DPYD: variants seen among roughly 807,000 people sequenced by gnomAD.
DPYD encodes dihydropyrimidine dehydrogenase.
Under a neutral mutation model 116.2 loss-of-function variants are expected in DPYD, and 109 were observed. That is an observed-to-expected ratio of 0.94 (90% confidence interval 0.80 to 1.10). The LOEUF is 1.10. Ranked by LOEUF, DPYD falls within the 50% of genes least tolerant of loss-of-function variation. The pLI, the probability that DPYD is intolerant of heterozygous loss-of-function variation, is 0.00. For missense variants in DPYD, 1,302 were observed against 1,254.5 expected (o/e 1.04, Z -0.57); for synonymous variants, 440 against 432.0 (o/e 1.02, Z -0.23).
chr1:97,259,405 G>T (rs571633504), intron 18 of DPYD, among the ~76,000 whole-genome samples: 16 of 151,978 alleles, frequency 1.1e-4, no homozygotes, highest in Non-Finnish European at 2.2e-4. Context: ...TCAGAGTCTT[G>T]CTCTTTCACC....
chr1:97,240,552 G>A (rs1045068120), intron 18 of DPYD, among the ~76,000 whole-genome samples: 2 of 151,912 alleles, frequency 1.3e-5, no homozygotes, highest in African/African-American at 4.8e-5. Context: ...CAATAAAACA[G>A]AAATTGGGTT....
chr1:97,228,971 G>A (rs1570716460), intron 19 of DPYD, among the ~76,000 whole-genome samples: 2 of 151,946 alleles, frequency 1.3e-5, no homozygotes, highest in Admixed American at 6.6e-5. Context: ...GCCGAGGTGG[G>A]CGGATCACGA....
intron 5 of DPYD, among the ~76,000 whole-genome samples, chr1:97,701,633 C>T (rs1000105484): frequency 3.4e-4 from 52 of 151,740 alleles, no homozygotes; most frequent in African/African-American, 1.3e-3. Context: ...AACCTCATCC[C>T]ACATATACCA....
At chr1:97,671,571 T>C (rs1019700447) in intron 8 of DPYD, among the ~76,000 whole-genome samples, 1 of 152,192 alleles carries the variant, frequency 6.6e-6, no homozygotes, top group African/African-American at 2.4e-5. Context: ...AGTAATCAAG[T>C]ATAATCTCAA....
chr1:97,609,239 C>G (rs1332949215), intron 8 of DPYD, among the ~76,000 whole-genome samples: 1 of 151,924 alleles, frequency 6.6e-6, no homozygotes, highest in Middle Eastern at 3.4e-3. Context: ...TGTGATTCAT[C>G]CTCTAAGACC....
intron 19 of DPYD, among the ~76,000 whole-genome samples, chr1:97,205,413 A>G (rs965002545): frequency 2.0e-5 from 3 of 151,790 alleles, no homozygotes; most frequent in Non-Finnish European, 4.4e-5. Flanking sequence ...TTGAAATCAC[A>G]TATATGTAGC....
At chr1:97,579,607 G>T (rs1386858465) in intron 10 of DPYD, among the ~76,000 whole-genome samples, 1 of 152,206 alleles carries the variant, frequency 6.6e-6, no homozygotes, top group Non-Finnish European at 1.5e-5. Flanking sequence ...ACATGTCAGT[G>T]TTAGTGCCTT....
At chr1:97,205,151 T>C (rs908618605) in intron 19 of DPYD, among the ~76,000 whole-genome samples, 3 of 152,088 alleles carry the variant, frequency 2.0e-5, no homozygotes, top group African/African-American at 7.2e-5. Context: ...AGCACCAATA[T>C]TGATATGCTA....
intron 16 of DPYD, among the ~76,000 whole-genome samples, chr1:97,349,924 G>A (rs1468714523): frequency 8.0e-6 from 1 of 124,818 alleles, no homozygotes; most frequent in Non-Finnish European, 1.7e-5. Flanking sequence ...ATCAGAAAGT[G>A]GCAATGATTC....
At chr1:97,382,890 G>GA (rs145744856) in intron 14 of DPYD, among the ~76,000 whole-genome samples, 29,158 of 151,582 alleles carry the variant, frequency 0.19, 2,972 homozygotes, top group South Asian at 0.37. Flanking sequence ...TGATGGAAAA[G>GA]AAAAAAAATA....
At chr1:97,251,671 ACATT>A (rs1359762677) in intron 18 of DPYD, among the ~76,000 whole-genome samples, 1 of 152,178 alleles carries the variant, frequency 6.6e-6, no homozygotes, top group Non-Finnish European at 1.5e-5. Flanking sequence ...ACACACACAC[ACATT>A]GTCAGTGATA....
chr1:97,331,283 A>C (rs1297919042), intron 16 of DPYD, among the ~76,000 whole-genome samples: 2 of 152,070 alleles, frequency 1.3e-5, no homozygotes, highest in Non-Finnish European at 2.9e-5. Context: ...GAGCCAGCCT[A>C]CGTAACAAAG....
At chr1:97,349,028 G>A (rs557664295) in intron 16 of DPYD, among the ~76,000 whole-genome samples, 3 of 152,248 alleles carry the variant, frequency 2.0e-5, no homozygotes, top group Admixed American at 2.0e-4. Context: ...GAAAAGCTAC[G>A]GAGTAGTGAT....
chr1:97,515,403 T>A (rs921873107), intron 13 of DPYD, among the ~76,000 whole-genome samples: 2 of 151,946 alleles, frequency 1.3e-5, no homozygotes, highest in South Asian at 4.1e-4. Context: ...TGTGTCCCTA[T>A]CTTTGAGCTG....
chr1:97,102,534 T>C (rs144062275), intron 20 of DPYD, among the ~76,000 whole-genome samples: 111 of 150,300 alleles, frequency 7.4e-4, no homozygotes, highest in African/African-American at 2.6e-3. Context: ...TGTGTGTGTC[T>C]ATACAACTGA....
At chr1:97,197,699 G>T (rs964239575) in intron 19 of DPYD, among the ~76,000 whole-genome samples, 2 of 152,110 alleles carry the variant, frequency 1.3e-5, no homozygotes, top group Non-Finnish European at 2.9e-5. Flanking sequence ...GAACATGGTA[G>T]GTCCCAAGGC....
At chr1:97,162,757 A>T (rs973181706) in intron 20 of DPYD, among the ~76,000 whole-genome samples, 1 of 152,218 alleles carries the variant, frequency 6.6e-6, no homozygotes, top group Non-Finnish European at 1.5e-5. Context: ...TAACCAAAAC[A>T]GCATGGTACT....
intron 3 of DPYD, among the ~76,000 whole-genome samples, chr1:97,783,062 T>A (rs764306202): frequency 6.1e-4 from 93 of 152,230 alleles, no homozygotes; most frequent in Non-Finnish European, 1.1e-3. Flanking sequence ...GTGTTACTCA[T>A]CTCTCAAATG....
chr1:97,585,169 T>A (rs897537804), intron 10 of DPYD, among the ~76,000 whole-genome samples: 19 of 152,118 alleles, frequency 1.2e-4, no homozygotes, highest in African/African-American at 4.6e-4. Context: ...GCACTATATG[T>A]TGAGTCAGAT....
Sources: allele counts gnomAD v4.1 joint callset (sites outside exome capture counted in the v4.1 genomes callset), GRCh38; gene constraint gnomAD v4.1.1; transcripts MANE v1.5; gene names NCBI Gene and HGNC (gene_info 2026-07-23, HGNC 2026-07-21).